KCNIP4: variants seen among roughly 807,000 people sequenced by gnomAD.
The protein encoded by KCNIP4 is Kv channel-interacting protein 4.
KCNIP4 carries 12 observed loss-of-function variants against 34.0 expected under a neutral mutation model. The ratio of observed to expected loss-of-function variants is 0.35; its 90% CI spans 0.23 to 0.57. The LOEUF is 0.57. KCNIP4 is among the 20% of genes least tolerant of loss of function. The probability of loss-of-function intolerance (pLI) is 0.83; values close to 1 mark genes in which losing one functional copy is unlikely to be tolerated. For missense variants in KCNIP4, 238 were observed against 311.7 expected (o/e 0.76, Z 1.78); for synonymous variants, 124 against 102.2 (o/e 1.21, Z -1.29).
chr4:21,040,174 T>TGAGATTCG (rs1228387195), intron 1 of KCNIP4, among the ~76,000 whole-genome samples: 2 of 152,098 alleles, frequency 1.3e-5, no homozygotes, highest in Non-Finnish European at 2.9e-5. Context: ...CAATTCAAGA[T>TGAGATTCG]GAGATTCGGG....
intron 2 of KCNIP4, among the ~76,000 whole-genome samples, chr4:20,874,756 GA>G (rs1723826481): frequency 6.6e-6 from 1 of 150,652 alleles, no homozygotes; most frequent in Non-Finnish European, 1.5e-5. Flanking sequence ...GGGGTTTTAT[GA>G]AAATGAAATA....
chr4:21,185,094 A>G (rs534051433), intron 1 of KCNIP4, among the ~76,000 whole-genome samples: 1 of 152,354 alleles, frequency 6.6e-6, no homozygotes, highest in South Asian at 2.1e-4. Flanking sequence ...TTACTATTGT[A>G]TAAGACAGAA....
chr4:21,937,476 T>C (rs1397466443), intron 1 of KCNIP4, among the ~76,000 whole-genome samples: 3 of 152,078 alleles, frequency 2.0e-5, no homozygotes, highest in Non-Finnish European at 4.4e-5. Context: ...TACACAGCTA[T>C]GCAAAATTAA....
intron 1 of KCNIP4, among the ~76,000 whole-genome samples, chr4:21,705,887 C>A (rs1713227035): frequency 6.6e-6 from 1 of 152,070 alleles, no homozygotes; most frequent in Admixed American, 6.6e-5. Flanking sequence ...CACATTGAAG[C>A]CTAGAGCACC....
At chr4:21,660,731 G>A (rs1363174886) in intron 1 of KCNIP4, among the ~76,000 whole-genome samples, 1 of 152,152 alleles carries the variant, frequency 6.6e-6, no homozygotes, top group Non-Finnish European at 1.5e-5. Flanking sequence ...TCCTTAAACA[G>A]GTCCAAGAAT....
At chr4:21,385,457 A>T (rs1398771002) in intron 1 of KCNIP4, among the ~76,000 whole-genome samples, 1 of 152,164 alleles carries the variant, frequency 6.6e-6, no homozygotes, top group Admixed American at 6.6e-5. Context: ...CCCATACCGG[A>T]ATGCCTGTAT....
chr4:21,835,003 TA>T (rs985903134), intron 1 of KCNIP4, among the ~76,000 whole-genome samples: 91 of 152,276 alleles, frequency 6.0e-4, no homozygotes, highest in African/African-American at 2.2e-3. Flanking sequence ...GCCAGTATTT[TA>T]TTGAGGATTT....
intron 1 of KCNIP4, among the ~76,000 whole-genome samples, chr4:21,739,376 AG>A (rs1716245347): frequency 6.6e-6 from 1 of 152,074 alleles, no homozygotes; most frequent in South Asian, 2.1e-4. Context: ...AAACCCTAAA[AG>A]CTATCTTCAG....
intron 1 of KCNIP4, among the ~76,000 whole-genome samples, chr4:21,528,857 AAGGAAGGAAGGAAGG>A (rs1736400119): frequency 1.4e-5 from 2 of 147,904 alleles, no homozygotes; most frequent in African/African-American, 5.0e-5. Context: ...GGAAGGAAGG[AAGGAAGGAAGGAAGG>A]GAAATTCAAT....
At chr4:21,462,253 G>A (rs1729523474) in intron 1 of KCNIP4, among the ~76,000 whole-genome samples, 1 of 152,162 alleles carries the variant, frequency 6.6e-6, no homozygotes, top group Admixed American at 6.5e-5. Flanking sequence ...CCCAAGACTG[G>A]GAAATTTACA....
At chr4:21,213,325 G>A (rs532860884) in intron 1 of KCNIP4, among the ~76,000 whole-genome samples, 1 of 151,518 alleles carries the variant, frequency 6.6e-6, no homozygotes, top group South Asian at 2.1e-4. Flanking sequence ...TTTTTGAGAT[G>A]GGATCTTGCT....
chr4:21,713,896 G>A (rs1442747695), intron 1 of KCNIP4, among the ~76,000 whole-genome samples: 1 of 152,042 alleles, frequency 6.6e-6, no homozygotes, highest in Admixed American at 6.5e-5. Context: ...CCCATGATTA[G>A]ACTTCAATCA....
At chr4:21,730,318 T>A (rs1715495873) in intron 1 of KCNIP4, among the ~76,000 whole-genome samples, 1 of 152,206 alleles carries the variant, frequency 6.6e-6, no homozygotes, top group South Asian at 2.1e-4. Flanking sequence ...CTTAATATTA[T>A]AATTTTTCAA....
chr4:21,805,040 G>A (rs1196253968), intron 1 of KCNIP4, among the ~76,000 whole-genome samples: 6 of 152,202 alleles, frequency 3.9e-5, no homozygotes, highest in African/African-American at 1.2e-4. Context: ...ATCTCACTGT[G>A]AGAGTTCACT....
chr4:20,766,618 C>T (rs1445530302), intron 3 of KCNIP4, among the ~76,000 whole-genome samples: 2 of 152,084 alleles, frequency 1.3e-5, no homozygotes, highest in Non-Finnish European at 2.9e-5. Context: ...CAATTCAATT[C>T]AATGTCCTCA....
intron 1 of KCNIP4, among the ~76,000 whole-genome samples, chr4:21,519,500 G>GTATGTGTATATACACATATGTGTGTGTA (rs1735164308): frequency 3.0e-5 from 1 of 33,854 alleles, no homozygotes; most frequent in African/African-American, 1.3e-4. Context: ...ATGTGTGTAT[G>GTATGTGTATATACACATATGTGTGTGTA]TGTATGTGTA....
chr4:21,331,905 G>A (rs2109325802), intron 1 of KCNIP4, among the ~76,000 whole-genome samples: 1 of 151,986 alleles, frequency 6.6e-6, no homozygotes, highest in East Asian at 1.9e-4. Context: ...CTCACTTTGT[G>A]GGAAGAGACA....
intron 3 of KCNIP4, among the ~76,000 whole-genome samples, chr4:20,769,414 T>C (rs1018063581): frequency 6.6e-6 from 1 of 152,134 alleles, no homozygotes; most frequent in African/African-American, 2.4e-5. Flanking sequence ...CGGAGACTTT[T>C]AAAAGGATTT....
chr4:20,811,351 G>A (rs149832219), intron 3 of KCNIP4, among the ~76,000 whole-genome samples: 8 of 152,330 alleles, frequency 5.3e-5, no homozygotes, highest in Admixed American at 3.3e-4. Flanking sequence ...TTAGATGCAT[G>A]TTGAAACTAT....
Sources: allele counts gnomAD v4.1 joint callset (sites outside exome capture counted in the v4.1 genomes callset), GRCh38; gene constraint gnomAD v4.1.1; transcripts MANE v1.5; gene names NCBI Gene and HGNC (gene_info 2026-07-23, HGNC 2026-07-21).